Variants in LRMDA observed in about 807,000 individuals in gnomAD.
LRMDA encodes leucine rich melanocyte differentiation associated, also known as leucine-rich melanocyte differentiation-associated protein.
LRMDA carries 18 observed loss-of-function variants against 29.8 expected under a neutral mutation model. The ratio of observed to expected loss-of-function variants is 0.60; its 90% CI spans 0.42 to 0.90. LRMDA has a LOEUF of 0.90. Among genes scored for constraint, LRMDA ranks in the 40% least tolerant of loss-of-function variants. The pLI, the probability that LRMDA is intolerant of heterozygous loss-of-function variation, is 0.00. For missense variants in LRMDA, 273 were observed against 273.9 expected (o/e 1.00, Z 0.02); for synonymous variants, 125 against 109.4 (o/e 1.14, Z -0.89).
chr10:76,214,489 C>T (rs535559413), intron 5 of LRMDA, among the ~76,000 whole-genome samples: 15 of 151,880 alleles, frequency 9.9e-5, no homozygotes, highest in Non-Finnish European at 1.8e-4. Context: ...GGACTACAGG[C>T]GCCCACCACC....
At chr10:75,491,276 T>C (rs1281538364) in intron 2 of LRMDA, among the ~76,000 whole-genome samples, 1 of 152,206 alleles carries the variant, frequency 6.6e-6, no homozygotes, top group Non-Finnish European at 1.5e-5. Context: ...GGAAAGTATT[T>C]GTCACTCGGA....
In LRMDA at chr10:76,277,435, T is replaced by C. The variant is rs1445114278; in HGVS notation, c.517-46966T>C. On this transcript the variant is annotated intron_variant, in intron 5 of 6. Coordinates refer to ENST00000611255, the MANE Select transcript of LRMDA (RefSeq NM_001305581.2). ...CTCTCATGCAAGAGGCAGGCTCACA[T>C]TCAATTAAACTGCATTCAGCTGAGC... Among the ~76,000 whole-genome samples, 4 of 152,198 alleles carry C rather than the reference T, an allele frequency of 2.6e-5. No homozygotes were observed. In the East Asian group the frequency reaches 7.7e-4, roughly 29 times the overall value.
chr10:76,455,814 T>A (rs903860807), intron 6 of LRMDA, among the ~76,000 whole-genome samples: 1 of 152,120 alleles, frequency 6.6e-6, no homozygotes, highest in Admixed American at 6.5e-5. Flanking sequence ...TACTTAGTTA[T>A]GTGGGAGAGG....
At chr10:76,169,175 A>G (rs1850791431) in intron 5 of LRMDA, among the ~76,000 whole-genome samples, 1 of 152,178 alleles carries the variant, frequency 6.6e-6, no homozygotes, top group African/African-American at 2.4e-5. Flanking sequence ...AATTAGATTG[A>G]ATCTGTTGCT....
At chr10:76,406,103 T>C (rs1485948364) in intron 6 of LRMDA, among the ~76,000 whole-genome samples, 2 of 152,218 alleles carry the variant, frequency 1.3e-5, no homozygotes, top group Admixed American at 6.5e-5. Context: ...CATTTACATC[T>C]GCATATGTTC....
chr10:76,014,144 AAT>A (rs1382237285), intron 2 of LRMDA, among the ~76,000 whole-genome samples: 28 of 120,958 alleles, frequency 2.3e-4, no homozygotes, highest in Middle Eastern at 4.0e-3. Context: ...ATATATATAT[AAT>A]TATATATATA....
intron 2 of LRMDA, among the ~76,000 whole-genome samples, chr10:76,014,132 A>T (rs1847840209): frequency 1.4e-5 from 2 of 139,758 alleles, no homozygotes; most frequent in Admixed American, 1.5e-4. Flanking sequence ...ATAATTATAT[A>T]TATATATATA....
At position 75,684,355 on chromosome 10, in the gene LRMDA, A is replaced by T. The variant is rs572328295; in HGVS notation, c.131+245861A>T. Among the ~76,000 whole-genome samples, 22 of 151,992 alleles carry T rather than the reference A, an allele frequency of 1.4e-4. No individual in the cohort carries two copies. The South Asian group carries it at 4.6e-3, about 32-fold the overall frequency. Reference sequence around the variant, plus strand: ...CGTTGTTGTTACATCTTTCACGCACACTCCCCTTCTTTTCCCAATAACACC... The same window carrying T: ...CGTTGTTGTTACATCTTTCACGCACTCTCCCCTTCTTTTCCCAATAACACC... On this transcript the variant is annotated intron_variant, in intron 2 of 6. Transcript: ENST00000611255.
intron 5 of LRMDA, chr10:76,318,416 A>G (rs1357628463): frequency 6.6e-6 from 1 of 152,276 alleles, no homozygotes; most frequent in Non-Finnish European, 1.5e-5. Context: ...CATTGCCTTC[A>G]AAAGGCTTTC....
intron 5 of LRMDA, among the ~76,000 whole-genome samples, chr10:76,213,281 G>C (rs1851668739): frequency 6.6e-6 from 1 of 152,202 alleles, no homozygotes; most frequent in Non-Finnish European, 1.5e-5. Flanking sequence ...TGAGATTGGG[G>C]GGTGTACCTT....
At chr10:75,525,172 A>G (rs1226446639) in intron 2 of LRMDA, among the ~76,000 whole-genome samples, 1 of 152,198 alleles carries the variant, frequency 6.6e-6, no homozygotes, top group Non-Finnish European at 1.5e-5. Flanking sequence ...CCTCACTTGG[A>G]TCCTCTGATA....
chr10:76,356,043 T>C (rs1337267960), intron 6 of LRMDA, among the ~76,000 whole-genome samples: 1 of 152,188 alleles, frequency 6.6e-6, no homozygotes, highest in Admixed American at 6.6e-5. Flanking sequence ...TACACCCAGA[T>C]ATATTGGATA....
At chr10:76,274,695 A>G (rs984103499) in intron 5 of LRMDA, among the ~76,000 whole-genome samples, 3 of 152,196 alleles carry the variant, frequency 2.0e-5, no homozygotes, top group East Asian at 1.9e-4. Flanking sequence ...TCTACTTTTT[A>G]TAAAAATTAG....
At chr10:75,441,244 C>A (rs1844323771) in intron 2 of LRMDA, among the ~76,000 whole-genome samples, 1 of 152,108 alleles carries the variant, frequency 6.6e-6, no homozygotes, top group East Asian at 1.9e-4. Flanking sequence ...TACCTAGGCC[C>A]CTCTGCCCCT....
At chr10:75,585,352 A>G (rs1050467676) in intron 2 of LRMDA, among the ~76,000 whole-genome samples, 2 of 152,262 alleles carry the variant, frequency 1.3e-5, no homozygotes, top group Non-Finnish European at 2.9e-5. Flanking sequence ...ATTGCTATAC[A>G]GTGTCCCATT....
rs1366952335 is a variant in LRMDA, at chr10:76,055,097, AAAAG to A, written c.399-3565_399-3562del. Among the ~76,000 whole-genome samples the A allele has an allele frequency of 1.9e-3, 278 of 150,226 alleles. 1 individual carries two copies. Among genetic ancestry groups the A allele is most frequent in the African/African-American group, 5.7e-3 (232 of 40,708 alleles). ...AAAAAAAAAAAAAAAAAAAAAAAGA[AAAAG>A]AAAAGAAAGAAACAAAGAAAGGAAA... On this transcript the variant is annotated intron_variant, in intron 4 of 6. Transcript: ENST00000611255.
At chr10:75,446,954 T>G (rs1385063324) in intron 2 of LRMDA, among the ~76,000 whole-genome samples, 1 of 152,258 alleles carries the variant, frequency 6.6e-6, no homozygotes, top group Non-Finnish European at 1.5e-5. Flanking sequence ...TCATATTTAT[T>G]TCCAACCTCA....
chr10:75,545,517 T>G (rs1840069664), intron 2 of LRMDA, among the ~76,000 whole-genome samples: 1 of 152,174 alleles, frequency 6.6e-6, no homozygotes, highest in Admixed American at 6.5e-5. Context: ...CATAGGACAC[T>G]GTGGACATAA....
intron 5 of LRMDA, among the ~76,000 whole-genome samples, chr10:76,172,895 A>T (rs1850864046): frequency 6.6e-6 from 1 of 152,262 alleles, no homozygotes; most frequent in African/African-American, 2.4e-5. Flanking sequence ...AATATCTGGC[A>T]TCAAAGAAAC....
Sources: gnomAD v4.1 joint callset for allele counts (sites outside exome capture counted in the v4.1 genomes callset) on GRCh38, gnomAD v4.1.1 for gene constraint, MANE v1.5 for transcripts, NCBI Gene and HGNC (gene_info 2026-07-23, HGNC 2026-07-21) for gene names.